CD82: variants seen among roughly 807,000 people sequenced by gnomAD.
CD82 encodes the protein CD82 molecule, also known as CD82 antigen.
Under a neutral mutation model 37.4 loss-of-function variants are expected in CD82, and 36 were observed. That is an observed-to-expected ratio of 0.96 (90% CI 0.74 to 1.27). CD82 has a LOEUF of 1.27. CD82 is among the 50% of genes most tolerant of loss of function. The probability of loss-of-function intolerance (pLI) is 0.00; values close to 1 mark genes in which losing one functional copy is unlikely to be tolerated. For missense variants in CD82, 340 were observed against 347.0 expected (o/e 0.98, Z 0.16); for synonymous variants, 158 against 137.4 (o/e 1.15, Z -1.05).
rs1325413396 is a variant in CD82 at position 44,618,289 on chromosome 11, G to C, written c.566G>C (p.Arg189Thr). 1 of 1,613,904 alleles carries C rather than the reference G, an allele frequency of 6.2e-7. No homozygotes were observed. Among genetic ancestry groups the C allele is most frequent in the Non-Finnish European group, 8.5e-7 (1 of 1,180,016 alleles). ...GAAGAGGACAACAGCCTTTCTGTGA[G>C]GAAGGGCTTCTGCGAGGCCCCCGGC... ...KGEEDNSLSVRKGFCEAPGNR... is the reference protein window; with the variant it reads ...KGEEDNSLSVTKGFCEAPGNR... The change falls in exon 8 of 10, where the codon AGG becomes ACG. Residue 189 changes from arginine to threonine, a missense_variant. Arg to Thr is a moderately conservative substitution (Grantham distance 71). Transcript: ENST00000227155.
chr11:44,619,904 T>G lies in CD82; in HGVS notation c.*778T>G, dbSNP rs1418005346. 2 of 152,078 alleles carry G rather than the reference T, an allele frequency of 1.3e-5. No homozygotes were observed. Among genetic ancestry groups the G allele is most frequent in the African/African-American group, 2.4e-5 (1 of 41,380 alleles). 9.4% of individuals were successfully genotyped at this position (152,078 alleles called of 1,614,324 possible). A position where few individuals can be genotyped will look rare whatever the true frequency, so the allele number is the denominator to read the frequency against. ...ATATCTTTATTTTTCACAATTATAT[T>G]GAAGGCAGTGGGAGAGGGGAGAGGG... On this transcript the variant is annotated 3_prime_UTR_variant, in exon 10 of 10. Coordinates refer to ENST00000227155, the MANE Select transcript of CD82 (RefSeq NM_002231.4).
intron 1 of CD82, among the ~76,000 whole-genome samples, chr11:44,581,220 A>G (rs1466652224): frequency 2.6e-5 from 4 of 152,210 alleles, no homozygotes; most frequent in Non-Finnish European, 4.4e-5. Context: ...TGCAGGCAGC[A>G]TGGTGTGACA....
intron 2 of CD82, among the ~76,000 whole-genome samples, chr11:44,588,710 G>T (rs1306261427): frequency 6.6e-6 from 1 of 152,134 alleles, no homozygotes; most frequent in Non-Finnish European, 1.5e-5. Flanking sequence ...AGGAGAGAGG[G>T]AGTGCCCCTA....
rs1853371984 is a variant in CD82 at position 44,605,137 on chromosome 11, G to T, written c.216G>T (p.Leu72=). The change falls in exon 5 of 10, where the codon CTG becomes CTT. Residue 72 remains leucine (L), a synonymous_variant. Coordinates refer to ENST00000227155, the MANE Select transcript of CD82 (RefSeq NM_002231.4). The stretch of plus-strand genomic sequence containing the variant: ...CAGTCACTATGCTCATGGGCTTCCT[G>T]GGCTGCATCGGCGCCGTCAACGAGG... The part of the protein sequence containing the change: ...VGAVTMLMGF[L]GCIGAVNEVR... The T allele has an allele frequency of 1.2e-6, 2 of 1,614,198 alleles. No homozygotes were observed. The highest frequency in any genetic ancestry group is 4.5e-5 in the East Asian group (2 of 44,876).
At chr11:44,595,165 C>T (rs1205460747) in intron 3 of CD82, among the ~76,000 whole-genome samples, 4 of 152,230 alleles carry the variant, frequency 2.6e-5, no homozygotes, top group African/African-American at 4.8e-5. Flanking sequence ...CCGTCCCTGT[C>T]GTGGGAAGGT....
chr11:44,604,869 C>A, intron 4 of CD82, 189 bp from the exon 5 acceptor site: 1 of 696,156 alleles, frequency 1.4e-6, no homozygotes, highest in Non-Finnish European at 2.5e-6. Flanking sequence ...TGCAATTTTA[C>A]TGGGGGAGGG....
intron 8 of CD82, 25 bp from the exon 9 acceptor site, chr11:44,618,615 A>G: frequency 1.9e-6 from 3 of 1,584,260 alleles, no homozygotes; most frequent in Middle Eastern, 1.7e-4. Context: ...GAGCGGGGTG[A>G]TGTGACCGCA....
intron 2 of CD82, among the ~76,000 whole-genome samples, chr11:44,590,119 C>T (rs4281473): frequency 0.97 from 147,780 of 151,708 alleles, 72,016 homozygotes; most frequent in Non-Finnish European, 0.99. Flanking sequence ...AGGTGTGAGC[C>T]ACCGCGCCTG....
chr11:44,565,318 G>A (rs557149367), upstream of CD82, among the ~76,000 whole-genome samples: 1 of 152,226 alleles, frequency 6.6e-6, no homozygotes, highest in African/African-American at 2.4e-5. Flanking sequence ...GGGAGGACGA[G>A]GTAGGCGGGA....
chr11:44,589,596 C>T (rs1475881348), intron 2 of CD82, among the ~76,000 whole-genome samples: 1 of 152,224 alleles, frequency 6.6e-6, no homozygotes, highest in Non-Finnish European at 1.5e-5. Flanking sequence ...GTACCAGGCG[C>T]TGACCTCACT....
rs2115666 is a variant in CD82, at chr11:44,597,213, T to C, written c.63+2488T>C. ...TGTATGTCTTTGCCTGTACTCCCTCTGGACTCCAGACTCCCCAGCGCATTG... is the reference window on the plus strand; with the variant it reads ...TGTATGTCTTTGCCTGTACTCCCTCCGGACTCCAGACTCCCCAGCGCATTG... On this transcript the variant is annotated intron_variant, in intron 3 of 9. Coordinates refer to ENST00000227155, the MANE Select transcript of CD82 (RefSeq NM_002231.4). This position sits in a 1 kb window ranked among gnomAD's most constrained non-coding sequence, Gnocchi z 4.1. 0.67 allele frequency among the ~76,000 whole-genome samples: 102,008 copies of C among 152,156 alleles called. 35,174 individuals are homozygous for C. Among genetic ancestry groups the C allele is most frequent in the East Asian group, 0.87 (4,505 of 5,168 alleles).
intron 4 of CD82, among the ~76,000 whole-genome samples, chr11:44,602,672 GA>G (rs58115115): frequency 0.18 from 27,628 of 151,780 alleles, 2,795 homozygotes; most frequent in East Asian, 0.27. Flanking sequence ...ACTAAAAGGT[GA>G]AAAAAAAATT....
At chr11:44,573,766 T>A (rs556131413) in intron 1 of CD82, among the ~76,000 whole-genome samples, 1 of 152,354 alleles carries the variant, frequency 6.6e-6, no homozygotes, top group East Asian at 1.9e-4. Context: ...GGGCTGTGCC[T>A]ACAGCTTGGG....
intron 2 of CD82, among the ~76,000 whole-genome samples, chr11:44,591,647 G>A (rs1239765188): frequency 2.0e-5 from 3 of 152,122 alleles, no homozygotes; most frequent in Admixed American, 6.5e-5. Flanking sequence ...TGACCTGTGT[G>A]ACTTGGGCAA....
chr11:44,589,083 C>A (rs1344127365), intron 2 of CD82, among the ~76,000 whole-genome samples: 1 of 152,174 alleles, frequency 6.6e-6, no homozygotes, highest in Non-Finnish European at 1.5e-5. Flanking sequence ...ACGGCAAAAC[C>A]CTGTCTCTAT....
intron 1 of CD82, among the ~76,000 whole-genome samples, chr11:44,566,774 G>C (rs1852741430): frequency 6.6e-6 from 1 of 152,052 alleles, no homozygotes. Flanking sequence ...TGATGGGCTT[G>C]CTTCCTATGG....
intron 8 of CD82, 77 bp downstream of exon 8, chr11:44,618,442 T>G: frequency 7.7e-7 from 1 of 1,297,270 alleles, no homozygotes; most frequent in Non-Finnish European, 1.1e-6. Flanking sequence ...CAGCAATTCC[T>G]TCCTGCATTT....
In CD82 at chr11:44,587,557, GT is replaced by G. The variant is rs1565084803; in HGVS notation, c.-21+2del. The G allele has an allele frequency of 2.2e-6, 1 of 456,394 alleles. No individual in the cohort carries two copies. The highest frequency in any genetic ancestry group is 4.4e-6 in the Non-Finnish European group (1 of 226,974). The allele number at this position is 456,394 out of a possible 1,614,324, so 28.3% of individuals were successfully genotyped here. A position where few individuals can be genotyped will look rare whatever the true frequency, so the allele number is the denominator to read the frequency against. On this transcript the variant is annotated splice_donor_variant, in intron 2 of 9. Coordinates refer to ENST00000227155, the MANE Select transcript of CD82 (RefSeq NM_002231.4). LOFTEE classifies it low-confidence loss of function (5UTR_SPLICE). ...ACCAGCTGCACTGGTTTCGTGGAAG[GT>G]AAGTCCTGGGCTGAGAGGAGTGGTG...
intron 1 of CD82, among the ~76,000 whole-genome samples, chr11:44,569,625 C>T (rs898774175): frequency 8.5e-5 from 13 of 152,120 alleles, no homozygotes; most frequent in East Asian, 3.9e-4. Flanking sequence ...CTCAGGCATG[C>T]GCACACACAC....
Sources: gnomAD v4.1 joint callset for allele counts (sites outside exome capture counted in the v4.1 genomes callset) on GRCh38, gnomAD v4.1.1 for gene constraint, Gnocchi (gnomAD v3.1) non-coding constraint, MANE v1.5 for transcripts, NCBI Gene and HGNC (gene_info 2026-07-23, HGNC 2026-07-21) for gene names.